C5: variants seen among roughly 807,000 people sequenced by gnomAD.
The protein encoded by C5 is C3 and PZP-like alpha-2-macroglobulin domain-containing protein 4.
In C5, 140 loss-of-function variants were observed where a neutral mutation model predicts 218.8. That is an observed-to-expected ratio of 0.64 (90% CI 0.56 to 0.74). The LOEUF (loss-of-function observed/expected upper bound fraction) is 0.74. Ranked by LOEUF, C5 falls within the 30% of genes least tolerant of loss-of-function variation. The probability of loss-of-function intolerance (pLI) is 0.00; values close to 1 mark genes in which losing one functional copy is unlikely to be tolerated. For synonymous variants in C5, 614 were observed against 682.3 expected (o/e 0.90, Z 1.56); for missense variants, 1,700 against 1,969.6 (o/e 0.86, Z 2.59).
the C5 span, among the ~76,000 whole-genome samples, chr9:121,074,216 A>G: frequency 6.7e-6 from 1 of 149,662 alleles, no homozygotes. Flanking sequence ...GTCAATGGTG[A>G]TAACACTTTA....
chr9:121,022,647 A>G (rs72758178), intron 10 of C5, among the ~76,000 whole-genome samples: 5,823 of 150,030 alleles, frequency 0.039, 183 homozygotes, highest in Non-Finnish European at 0.05. Flanking sequence ...AACAAAAAAA[A>G]ATTTTGCTCT....
chr9:121,072,429 G>A, the C5 span, among the ~76,000 whole-genome samples: 1 of 152,150 alleles, frequency 6.6e-6, no homozygotes, highest in Non-Finnish European at 1.5e-5. Context: ...AACGATGGGT[G>A]TCAAAACATA....
chr9:121,045,916 C>G (rs2047622750), intron 2 of C5, among the ~76,000 whole-genome samples: 1 of 152,072 alleles, frequency 6.6e-6, no homozygotes, highest in East Asian at 1.9e-4. Flanking sequence ...TTTCAATTAT[C>G]TCCAAATATT....
At position 121,010,163 on chromosome 9, in the gene C5, G is replaced by A. The variant is rs1218123195; in HGVS notation, c.2258-1665C>T. 5.9e-5 allele frequency among the ~76,000 whole-genome samples: 9 copies of A among 152,200 alleles called. No individual in the cohort carries two copies. The East Asian group carries it at 1.5e-3, about 26-fold the overall frequency. ...AATTAGACAAGAGAAGGAAATAAAG[G>A]TCATCCAAACTAGAAAGCAAGAAGT... On this transcript the variant is annotated intron_variant, in intron 17 of 40. Transcript: ENST00000223642.
rs1312874937 is a variant in C5, at chr9:121,013,864, C to T, written c.2257+9G>A. 6.2e-7 allele frequency: 1 copy of T among 1,612,150 alleles called. No homozygotes were observed. Among genetic ancestry groups the T allele is most frequent in the Admixed American group, 1.7e-5 (1 of 59,996 alleles). ...TGAGCAGAATTCTGATAGAAAATGT[C>T]ATACTTACGTAGCCTTCCCAATTGC... On this transcript the variant is annotated intron_variant, in intron 17 of 40. Transcript: ENST00000223642.
Position 121,046,323 on chromosome 9 carries a change from T to A in C5, c.126A>T (p.Gln42His). The change falls in exon 2 of 41, where the codon CAA becomes CAT. Residue 42 changes from glutamine to histidine, a missense_variant. Physicochemically the swap from Gln to His is conservative, Grantham distance 24 (BLOSUM62 0). Transcript: ENST00000223642. Reference sequence around the variant, plus strand: ...CAAATGCTTCAGTGTATCCATAAACTTGAATCACAATATTTTCAGATGCTC... The same window carrying A: ...CAAATGCTTCAGTGTATCCATAAACATGAATCACAATATTTTCAGATGCTC... ...RVGASENIVI[Q>H]VYGYTEAFDA... The A allele has an allele frequency of 6.2e-7, 1 of 1,612,492 alleles. No homozygotes were observed. Among genetic ancestry groups the A allele is most frequent in the Non-Finnish European group, 8.5e-7 (1 of 1,178,718 alleles).
At chr9:121,054,214 A>G (rs2047687185), upstream of C5, among the ~76,000 whole-genome samples, 1 of 152,196 alleles carries the variant, frequency 6.6e-6, no homozygotes, top group Admixed American at 6.5e-5. Flanking sequence ...CTGTGGCAAT[A>G]AGATACCAAA....
intron 25 of C5, 79 bp from the exon 26 acceptor site, chr9:120,982,893 T>G: frequency 3.8e-6 from 3 of 795,208 alleles, no homozygotes; most frequent in Non-Finnish European, 6.0e-6. Context: ...ACAACTTTAT[T>G]CTTTAAAAGA....
intron 26 of C5, among the ~76,000 whole-genome samples, chr9:120,982,168 C>T (rs543935843): frequency 1.2e-4 from 19 of 152,322 alleles, no homozygotes; most frequent in African/African-American, 2.9e-4. Context: ...TGCACTACCA[C>T]GCACGGCTAA....
chr9:120,961,591 A>G (rs766889425), intron 36 of C5, 26 bp from the exon 37 acceptor site: 8 of 1,443,532 alleles, frequency 5.5e-6, no homozygotes, highest in Non-Finnish European at 7.8e-6. Flanking sequence ...TGTGGTTAAG[A>G]GAAGTGGTTT....
intron 20 of C5, among the ~76,000 whole-genome samples, chr9:121,002,124 G>GTATA (rs762694853): frequency 6.9e-6 from 1 of 144,666 alleles, no homozygotes; most frequent in African/African-American, 2.5e-5. Context: ...GGCAGTGTGT[G>GTATA]TATATATATA....
At chr9:121,063,933 T>C in the C5 span, among the ~76,000 whole-genome samples, 13 of 152,172 alleles carry the variant, frequency 8.5e-5, no homozygotes, top group Admixed American at 6.5e-5. Context: ...CTTTTAAAAC[T>C]GGTGGTTATT....
chr9:121,006,201 T>C (rs2047214498), intron 19 of C5, 143 bp from the exon 20 acceptor site: 5 of 733,206 alleles, frequency 6.8e-6, no homozygotes, highest in Non-Finnish European at 4.5e-6. Context: ...TCAACTCATG[T>C]CCTTGAATTT....
At chr9:121,024,386 A>G (rs1231518555) in intron 9 of C5, among the ~76,000 whole-genome samples, 1 of 143,002 alleles carries the variant, frequency 7.0e-6, no homozygotes, top group East Asian at 2.2e-4. Context: ...GGAAGGGGAC[A>G]TGACCAGACA....
Position 120,963,708 on chromosome 9 carries a change from A to G in C5, c.4251T>C (p.Ser1417=). 6.2e-7 allele frequency: 1 copy of G among 1,613,718 alleles called. No individual in the cohort carries two copies. Among genetic ancestry groups the G allele is most frequent in the Non-Finnish European group, 8.5e-7 (1 of 1,179,660 alleles). ...TGTCCATCACCGCATGAGAGGATCC[A>G]GATGATGATTCTTCCCTGCTGGGCT... ...SYKPSREESS[S]GSSHAVMDIS... Residue 1417 remains serine (S), a synonymous_variant, in exon 34 of 41, where the codon TCT becomes TCC. Coordinates refer to ENST00000223642, the MANE Select transcript of C5 (RefSeq NM_001735.3).
At chr9:121,002,329 T>C (rs1416848608) in intron 20 of C5, among the ~76,000 whole-genome samples, 10 of 118,240 alleles carry the variant, frequency 8.5e-5, no homozygotes, top group African/African-American at 2.9e-4. Flanking sequence ...TATATATATA[T>C]ATATATATAT....
Position 121,017,872 on chromosome 9 carries a change from G to A in C5, c.1507-20C>T. 2.1e-6 allele frequency: 3 copies of A among 1,431,574 alleles called. No individual in the cohort carries two copies. Among genetic ancestry groups the A allele is most frequent in the Non-Finnish European group, 3.0e-6 (3 of 1,014,548 alleles). The allele number at this position is 1,431,574 out of a possible 1,614,324, so 88.7% of individuals were successfully genotyped here. A position where few individuals can be genotyped will look rare whatever the true frequency, so the allele number is the denominator to read the frequency against. On this transcript the variant is annotated intron_variant, in intron 12 of 40. Transcript: ENST00000223642. ...TAAAATCTAAAAATAAACAGCAGCAGCAACAATAAGTAAAAAATAAACAAA... is the reference window on the plus strand; with the variant it reads ...TAAAATCTAAAAATAAACAGCAGCAACAACAATAAGTAAAAAATAAACAAA...
chr9:121,004,657 T>C (rs1293284533), intron 20 of C5, among the ~76,000 whole-genome samples: 1 of 151,902 alleles, frequency 6.6e-6, no homozygotes, highest in African/African-American at 2.4e-5. Context: ...CCTGTAATCC[T>C]AGCTACTCAG....
chr9:120,957,342 T>C lies in C5; in HGVS notation c.4705A>G (p.Thr1569Ala), dbSNP rs761788277. 54 of 1,612,878 alleles carry C rather than the reference T, an allele frequency of 3.3e-5. No individual in the cohort carries two copies. Among genetic ancestry groups the C allele is most frequent in the South Asian group, 1.8e-4 (16 of 91,058 alleles). The change falls in exon 39 of 41, where the codon ACT becomes GCT. Residue 1569 changes from threonine (T) to alanine (A), a missense_variant. By Grantham distance (58) the Thr-to-Ala change is moderately conservative (BLOSUM62 0). Coordinates refer to ENST00000223642, the MANE Select transcript of C5 (RefSeq NM_001735.3). ...TACTTGACAAAAACATTTTCTACAG[T>C]GATGGATGTGATGCTAACTTTATAA... is the stretch of plus-strand genomic sequence containing the variant. ...YAYKVSITSI[T>A]VENVFVKYKA...
Sources: gnomAD v4.1 joint callset for allele counts (sites outside exome capture counted in the v4.1 genomes callset) on GRCh38, gnomAD v4.1.1 for gene constraint, MANE v1.5 for transcripts, NCBI Gene and HGNC (gene_info 2026-07-23, HGNC 2026-07-21) for gene names.